The following CACNA2D3 variants were observed in gnomAD, a reference collection of about 807,000 sequenced individuals.
CACNA2D3 encodes the protein voltage-dependent calcium channel subunit alpha-2/delta-3.
Under a neutral mutation model 160.6 loss-of-function variants are expected in CACNA2D3, and 60 were observed. The ratio of observed to expected loss-of-function variants is 0.37; its 90% CI spans 0.30 to 0.46. The LOEUF is 0.46. Among genes scored for constraint, CACNA2D3 ranks in the 20% least tolerant of loss-of-function variants. The probability of loss-of-function intolerance (pLI) is 1.00; values close to 1 mark genes in which losing one functional copy is unlikely to be tolerated. For synonymous variants in CACNA2D3, 558 were observed against 492.9 expected (o/e 1.13, Z -1.75); for missense variants, 1,205 against 1,365.0 (o/e 0.88, Z 1.85).
intron 21 of CACNA2D3, among the ~76,000 whole-genome samples, chr3:54,883,832 C>T (rs1386307552): frequency 1.3e-5 from 2 of 149,232 alleles, no homozygotes; most frequent in African/African-American, 4.9e-5. Flanking sequence ...TCCTCTCTCT[C>T]CCTTCAACCC....
chr3:54,504,201 A>G (rs988468912), intron 5 of CACNA2D3, among the ~76,000 whole-genome samples: 1 of 152,168 alleles, frequency 6.6e-6, no homozygotes, highest in African/African-American at 2.4e-5. Flanking sequence ...AGCAGCATGG[A>G]CCTTAACAGA....
At chr3:54,660,118 T>G (rs1699940937) in intron 11 of CACNA2D3, among the ~76,000 whole-genome samples, 1 of 151,926 alleles carries the variant, frequency 6.6e-6, no homozygotes, top group South Asian at 2.1e-4. Context: ...CATTGGGTCC[T>G]CATCAGAGAG....
intron 27 of CACNA2D3, among the ~76,000 whole-genome samples, chr3:54,967,839 C>G (rs1702185110): frequency 6.6e-6 from 1 of 152,184 alleles, no homozygotes; most frequent in Non-Finnish European, 1.5e-5. Flanking sequence ...GTCACTAGAA[C>G]TAGCATTCAC....
intron 11 of CACNA2D3, among the ~76,000 whole-genome samples, chr3:54,644,984 A>G (rs1699606171): frequency 1.3e-5 from 2 of 152,246 alleles, no homozygotes; most frequent in South Asian, 4.1e-4. Flanking sequence ...TTCTGTCTTA[A>G]AAACTGTCAA....
Position 54,793,178 on chromosome 3 carries a change from C to G in CACNA2D3, c.1381-23675C>G, listed in dbSNP as rs150423499. On this transcript the variant is annotated intron_variant, in intron 13 of 37. Transcript: ENST00000474759. Reference sequence around the variant, plus strand: ...ATAGAAAATGCCAACCCATCTCAACCATCCAAAGTTCAGTCATCTTTCTAG... The same window carrying G: ...ATAGAAAATGCCAACCCATCTCAACGATCCAAAGTTCAGTCATCTTTCTAG... 5.5e-4 allele frequency among the ~76,000 whole-genome samples: 84 copies of G among 152,284 alleles called. No individual in the cohort carries two copies. In the East Asian group the frequency reaches 0.015, roughly 26 times the overall value.
chr3:54,806,681 T>A (rs1205897574), intron 13 of CACNA2D3, among the ~76,000 whole-genome samples: 1 of 152,180 alleles, frequency 6.6e-6, no homozygotes, highest in African/African-American at 2.4e-5. Flanking sequence ...AATGCCTTTA[T>A]TCACAGAATT....
At chr3:54,473,696 A>C (rs1459488973) in intron 4 of CACNA2D3, among the ~76,000 whole-genome samples, 2 of 152,222 alleles carry the variant, frequency 1.3e-5, no homozygotes, top group African/African-American at 4.8e-5. Flanking sequence ...AGGAAGAAAC[A>C]AACAACCCCA....
intron 35 of CACNA2D3, among the ~76,000 whole-genome samples, chr3:55,061,674 C>G (rs1213714945): frequency 6.6e-6 from 1 of 152,170 alleles, no homozygotes; most frequent in African/African-American, 2.4e-5. Context: ...GCCAGTGGCT[C>G]CTGAGGCTGA....
At position 55,073,294 on chromosome 3, in the gene CACNA2D3, T is replaced by C. The variant is rs192057414; in HGVS notation, c.2988-151T>C. ...AGGTATTTGTAAGTGAAGAGCCTCA[T>C]GGAGAAAGAAGGTAACATTAGTAGT... On this transcript the variant is annotated intron_variant, in intron 35 of 37. Coordinates refer to ENST00000474759, the MANE Select transcript of CACNA2D3 (RefSeq NM_018398.3). 5.7e-3 allele frequency: 3,462 copies of C among 609,234 alleles called. 20 individuals are homozygous for C. Among genetic ancestry groups the C allele is most frequent in the East Asian group, 0.026 (931 of 36,186 alleles). 37.7% of individuals were successfully genotyped at this position (609,234 alleles called of 1,614,324 possible).
chr3:54,659,479 C>T (rs138853676), intron 11 of CACNA2D3, among the ~76,000 whole-genome samples: 1 of 152,318 alleles, frequency 6.6e-6, no homozygotes, highest in East Asian at 1.9e-4. Context: ...ATACCTTTCA[C>T]CTGATCCCCA....
chr3:54,920,554 G>A (rs1434560425), intron 27 of CACNA2D3, among the ~76,000 whole-genome samples: 1 of 152,178 alleles, frequency 6.6e-6, no homozygotes, highest in Admixed American at 6.5e-5. Flanking sequence ...CAGAGCAGCT[G>A]CTCCAGATGA....
At chr3:54,130,297 A>G (rs762426619) in intron 2 of CACNA2D3, among the ~76,000 whole-genome samples, 10 of 152,136 alleles carry the variant, frequency 6.6e-5, no homozygotes, top group South Asian at 6.2e-4. Flanking sequence ...TCCATCTCCA[A>G]TGAAATCATT....
chr3:54,199,490 G>A (rs1440134752), intron 2 of CACNA2D3, among the ~76,000 whole-genome samples: 1 of 152,092 alleles, frequency 6.6e-6, no homozygotes, highest in Admixed American at 6.5e-5. Flanking sequence ...CTGAGTAGCC[G>A]AGACCACAGG....
At chr3:54,717,545 T>C (rs1701073485) in intron 11 of CACNA2D3, among the ~76,000 whole-genome samples, 1 of 46,376 alleles carries the variant, frequency 2.2e-5, no homozygotes, top group Non-Finnish European at 6.5e-5. Flanking sequence ...GTGGTGTGCA[T>C]GTGTGGTGTG....
At chr3:54,347,871 G>A (rs891603251) in intron 3 of CACNA2D3, among the ~76,000 whole-genome samples, 1 of 152,072 alleles carries the variant, frequency 6.6e-6, no homozygotes, top group African/African-American at 2.4e-5. Context: ...GGCCCTAGAA[G>A]GCAGTACCCT....
chr3:54,289,533 T>C (rs2107474575), intron 2 of CACNA2D3, among the ~76,000 whole-genome samples: 1 of 151,880 alleles, frequency 6.6e-6, no homozygotes, highest in Non-Finnish European at 1.5e-5. Context: ...CCAATGACTT[T>C]CTTCACAGAA....
intron 11 of CACNA2D3, among the ~76,000 whole-genome samples, chr3:54,711,545 C>T (rs2106964620): frequency 1.3e-5 from 2 of 152,324 alleles, no homozygotes; most frequent in Middle Eastern, 6.8e-3. Flanking sequence ...CACACAGGCA[C>T]CTCTGTAGAT....
intron 11 of CACNA2D3, among the ~76,000 whole-genome samples, chr3:54,658,740 CTT>C (rs1699917089): frequency 6.6e-6 from 1 of 152,084 alleles, no homozygotes; most frequent in African/African-American, 2.4e-5. Context: ...GAGAAAGACA[CTT>C]TGAAAACTGG....
intron 13 of CACNA2D3, among the ~76,000 whole-genome samples, chr3:54,769,132 G>A: frequency 6.6e-6 from 1 of 152,060 alleles, no homozygotes; most frequent in East Asian, 1.9e-4. Context: ...CATTTATACG[G>A]GGTCAAAACA....
Sources: gnomAD v4.1 joint callset for allele counts (sites outside exome capture counted in the v4.1 genomes callset) on GRCh38, gnomAD v4.1.1 for gene constraint, MANE v1.5 for transcripts, NCBI Gene and HGNC (gene_info 2026-07-23, HGNC 2026-07-21) for gene names.